The following HERPUD1 variants were observed in gnomAD, a reference collection of about 807,000 sequenced individuals.
HERPUD1 encodes homocysteine inducible ER protein with ubiquitin like domain 1.
HERPUD1 carries 17 observed loss-of-function variants against 45.0 expected under a neutral mutation model. The observed-to-expected ratio is 0.38, with a 90% confidence interval of 0.26 to 0.57. The LOEUF is 0.57. Among genes scored for constraint, HERPUD1 ranks in the 20% least tolerant of loss-of-function variants. The pLI is 0.72. For missense variants in HERPUD1, 420 were observed against 490.5 expected (o/e 0.86, Z 1.36); for synonymous variants, 164 against 177.5 (o/e 0.92, Z 0.61).
chr16:56,942,415 A>C lies in HERPUD1; in HGVS notation c.1011+178A>C, dbSNP rs796119245. 4.7e-4 allele frequency among the ~76,000 whole-genome samples: 71 copies of C among 152,342 alleles called. 1 individual carries two copies. Among genetic ancestry groups the C allele is most frequent in the African/African-American group, 1.6e-3 (67 of 41,586 alleles). On this transcript the variant is annotated intron_variant, in intron 7 of 7. Coordinates refer to ENST00000439977, the MANE Select transcript of HERPUD1 (RefSeq NM_014685.4). ...TTTAAAACGTCGAATGTGCCATCAC[A>C]TTCTATCACATATTTTTGACGTGGC...
chr16:56,939,929 C>T lies in HERPUD1; in HGVS notation c.589C>T (p.Pro197Ser), dbSNP rs1291709080. The change falls in exon 6 of 8, where the codon CCA becomes TCA. Residue 197 changes from proline to serine, a missense_variant. Transcript: ENST00000439977. Reference sequence around the variant, plus strand: ...CACTGCTGCATCAGGGGCTTTTGTTCCACCACCAAGTGCACAAGAGATACC... The same window carrying T: ...CACTGCTGCATCAGGGGCTTTTGTTTCACCACCAAGTGCACAAGAGATACC... ...AATAASGAFV[P>S]PPSAQEIPVV... The T allele has an allele frequency of 1.9e-6, 3 of 1,608,052 alleles. No homozygotes were observed. The highest frequency in any genetic ancestry group is 1.3e-5 in the African/African-American group (1 of 74,744).
chr16:56,941,973 A>G, intron 6 of HERPUD1, 159 bp from the exon 7 acceptor site: 1 of 613,214 alleles, frequency 1.6e-6, no homozygotes, highest in Non-Finnish European at 2.9e-6. Flanking sequence ...CAGACTGGTG[A>G]GAATGTCTGG....
In HERPUD1 at chr16:56,939,941, G is replaced by T. The variant is rs201638057; in HGVS notation, c.601G>T (p.Ala201Ser). The T allele has an allele frequency of 6.2e-7, 1 of 1,614,050 alleles. No homozygotes were observed. The stretch of plus-strand genomic sequence containing the variant: ...AGGGGCTTTTGTTCCACCACCAAGT[G>T]CACAAGAGATACCTGTGGTCTCTGC... ...ASGAFVPPPS[A>S]QEIPVVSAPA... Residue 201 changes from alanine (A) to serine (S), a missense_variant, in exon 6 of 8, where the codon GCA becomes TCA. Ala to Ser is a moderately conservative substitution (Grantham distance 99, BLOSUM62 1). Transcript: ENST00000439977.
Position 56,943,182 on chromosome 16 carries a change from A to T in HERPUD1, c.1068A>T (p.Val356=). Residue 356 remains valine, a synonymous_variant, in exon 8 of 8, where the codon GTA becomes GTT. Coordinates refer to ENST00000439977, the MANE Select transcript of HERPUD1 (RefSeq NM_014685.4). The part of the protein sequence containing the change: ...DPNHLPPDRD[V]LDGEQTSPSF... ...ACCACCTCCCTCCAGACAGGGATGTACTAGATGGCGAGCAGACCAGCCCCT... is the reference window on the plus strand; with the variant it reads ...ACCACCTCCCTCCAGACAGGGATGTTCTAGATGGCGAGCAGACCAGCCCCT... 1 of 1,614,206 alleles carries T rather than the reference A, an allele frequency of 6.2e-7. No individual in the cohort carries two copies. The highest frequency in any genetic ancestry group is 8.5e-7 in the Non-Finnish European group (1 of 1,180,014).
chr16:56,933,169 C>T, intron 1 of HERPUD1: 1 of 434,418 alleles, frequency 2.3e-6, no homozygotes, highest in Non-Finnish European at 4.6e-6. Context: ...ATGTAAGTGT[C>T]AGCAGTGTTC....
chr16:56,933,495 G>A (rs1410281788), intron 1 of HERPUD1, among the ~76,000 whole-genome samples: 1 of 152,216 alleles, frequency 6.6e-6, no homozygotes, highest in Non-Finnish European at 1.5e-5. Flanking sequence ...GGTGAAGCAG[G>A]TGTAGCCTAT....
rs199500680 is a variant in HERPUD1, at chr16:56,936,724, G to A, written c.338G>A (p.Arg113Gln). ...ACAGAGGAGCCTGCTGGTTCTAATC[G>A]GGGACAGTATCCTGAGGATTCCTCA... ...ESTEEPAGSNRGQYPEDSSSD... is the reference protein window; with the variant it reads ...ESTEEPAGSNQGQYPEDSSSD... The change falls in exon 4 of 8, where the codon CGG (arginine) becomes CAG (glutamine). Residue 113 changes from arginine (R) to glutamine (Q), a missense_variant. By Grantham distance (43) the Arg-to-Gln change is conservative. Transcript: ENST00000439977. The A allele has an allele frequency of 2.6e-4, 422 of 1,613,698 alleles. 5 individuals are homozygous for A. The South Asian group carries it at 4.1e-3, about 16-fold the overall frequency.
chr16:56,932,507 G>A (rs959198344), intron 1 of HERPUD1, 116 bp downstream of exon 1: 124 of 991,274 alleles, frequency 1.3e-4, no homozygotes, highest in Non-Finnish European at 1.7e-4. Context: ...GCGATCGCTC[G>A]GCCGGTCACC....
chr16:56,940,350 G>T (rs1308299365), intron 6 of HERPUD1, 105 bp downstream of exon 6: 4 of 794,450 alleles, frequency 5.0e-6, no homozygotes, highest in Non-Finnish European at 8.1e-6. Flanking sequence ...GTCTCGCTCT[G>T]TCATTCAGGC....
chr16:56,942,064 C>G, intron 6 of HERPUD1, 68 bp from the exon 7 acceptor site: 2 of 1,250,052 alleles, frequency 1.6e-6, no homozygotes, highest in South Asian at 1.2e-5. Flanking sequence ...AGGTGGGGAG[C>G]CTTGGATTCT....
rs1238874092 is a variant in HERPUD1, at chr16:56,943,443, C to T, written c.*153C>T. 23 of 874,034 alleles carry T rather than the reference C, an allele frequency of 2.6e-5. No individual in the cohort carries two copies. The highest frequency in any genetic ancestry group is 1.3e-4 in the South Asian group (10 of 74,536). 54.1% of individuals were successfully genotyped at this position (874,034 alleles called of 1,614,324 possible). A position where few individuals can be genotyped will look rare whatever the true frequency, so the allele number is the denominator to read the frequency against. Reference sequence around the variant, plus strand: ...TTTTGTGAGCAAGCAAAAGCAGAAACGTGAAGCCGTGATACAAATTGGTGA... The same window carrying T: ...TTTTGTGAGCAAGCAAAAGCAGAAATGTGAAGCCGTGATACAAATTGGTGA... On this transcript the variant is annotated 3_prime_UTR_variant, in exon 8 of 8. Coordinates refer to ENST00000439977, the MANE Select transcript of HERPUD1 (RefSeq NM_014685.4).
Position 56,944,111 on chromosome 16 carries a change from T to G in HERPUD1, c.*821T>G, listed in dbSNP as rs2055933262. Reference sequence around the variant, plus strand: ...GTACATTGGCTACTCACAAGTGGGCTGGTAGCTGGCTACAGCCCCAGACTC... The same window carrying G: ...GTACATTGGCTACTCACAAGTGGGCGGGTAGCTGGCTACAGCCCCAGACTC... On this transcript the variant is annotated 3_prime_UTR_variant, in exon 8 of 8. Coordinates refer to ENST00000439977, the MANE Select transcript of HERPUD1 (RefSeq NM_014685.4). 6.5e-6 allele frequency: 1 copy of G among 153,464 alleles called. No individual in the cohort carries two copies. Among genetic ancestry groups the G allele is most frequent in the Non-Finnish European group, 1.5e-5 (1 of 68,788 alleles). The allele number at this position is 153,464 out of a possible 1,614,324, so 9.5% of individuals were successfully genotyped here.
chr16:56,943,081 T>C, intron 7 of HERPUD1, 45 bp from the exon 8 acceptor site: 1 of 1,589,598 alleles, frequency 6.3e-7, no homozygotes, highest in African/African-American at 1.3e-5. Context: ...ATAGCCCTAA[T>C]TGTTTTCTCA....
At chr16:56,942,054 A>T in intron 6 of HERPUD1, 78 bp from the exon 7 acceptor site, 1 of 1,104,800 alleles carries the variant, frequency 9.1e-7, no homozygotes, top group Admixed American at 1.7e-5. Context: ...CTGTGATTAG[A>T]GGTGGGGAGC....
chr16:56,942,076 G>GAGT, intron 6 of HERPUD1, 56 bp from the exon 7 acceptor site: 1 of 1,408,230 alleles, frequency 7.1e-7, no homozygotes, highest in Non-Finnish European at 1.0e-6. Flanking sequence ...TTGGATTCTT[G>GAGT]AGTAAGTCTC....
At chr16:56,938,341 A>T (rs567560098) in intron 4 of HERPUD1, among the ~76,000 whole-genome samples, 1 of 152,304 alleles carries the variant, frequency 6.6e-6, no homozygotes, top group African/African-American at 2.4e-5. Context: ...AGGTGGGCGG[A>T]TCACGAGGTC....
In HERPUD1 at chr16:56,944,105, G is replaced by A. The variant is rs2144830029; in HGVS notation, c.*815G>A. ...GCCAGAGTACATTGGCTACTCACAA[G>A]TGGGCTGGTAGCTGGCTACAGCCCC... On this transcript the variant is annotated 3_prime_UTR_variant, in exon 8 of 8. Coordinates refer to ENST00000439977, the MANE Select transcript of HERPUD1 (RefSeq NM_014685.4). The A allele has an allele frequency of 6.5e-6, 1 of 153,730 alleles. No homozygotes were observed. Among genetic ancestry groups the A allele is most frequent in the South Asian group, 2.1e-4 (1 of 4,834 alleles). The allele number at this position is 153,730 out of a possible 1,614,324, so 9.5% of individuals were successfully genotyped here. A position where few individuals can be genotyped will look rare whatever the true frequency, so the allele number is the denominator to read the frequency against.
In HERPUD1 at chr16:56,942,512, AGT is replaced by A. The variant is rs1448009440; in HGVS notation, c.1011+280_1011+281del. 9.2e-5 allele frequency among the ~76,000 whole-genome samples: 14 copies of A among 152,334 alleles called. 1 individual carries two copies. Among genetic ancestry groups the A allele is most frequent in the African/African-American group, 3.4e-4 (14 of 41,572 alleles). On this transcript the variant is annotated intron_variant, in intron 7 of 7. Coordinates refer to ENST00000439977, the MANE Select transcript of HERPUD1 (RefSeq NM_014685.4). ...TTTTGAGCGTTCAGTGGTCTGTAAC[AGT>A]GTGTTATACCATAAGAACTGGTATG...
intron 4 of HERPUD1, chr16:56,937,053 A>C: frequency 3.2e-6 from 1 of 310,280 alleles, no homozygotes; most frequent in Non-Finnish European, 5.9e-6. Flanking sequence ...AAAAAAAAGA[A>C]AATGTAGGCG....
Sources: allele counts gnomAD v4.1 joint callset (sites outside exome capture counted in the v4.1 genomes callset), GRCh38; gene constraint gnomAD v4.1.1; transcripts MANE v1.5; gene names NCBI Gene and HGNC (gene_info 2026-07-23, HGNC 2026-07-21).